Variants in DMD observed in about 807,000 individuals in gnomAD.
DMD encodes mutant dystrophin.
In DMD, 63 loss-of-function variants were observed where a neutral mutation model predicts 330.1. That is an observed-to-expected ratio of 0.19 (90% CI 0.16 to 0.24). The LOEUF (loss-of-function observed/expected upper bound fraction) is 0.24. Ranked by LOEUF, DMD falls within the 10% of genes least tolerant of loss-of-function variation. The pLI is 1.00. For synonymous variants in DMD, 1,223 were observed against 959.8 expected (o/e 1.27, Z -5.07); for missense variants, 3,344 against 2,684.1 (o/e 1.25, Z -5.43).
chrX:32,613,032 T>C (rs1232403403), intron 12 of DMD, among the ~76,000 whole-genome samples: 1 of 111,684 alleles, frequency 9.0e-6, no homozygotes, highest in African/African-American at 3.2e-5. Flanking sequence ...AAGGCAGATT[T>C]CGAAGGTATG....
At chrX:31,369,145 T>C (rs1402530173) in intron 60 of DMD, among the ~76,000 whole-genome samples, 3 of 112,571 alleles carry the variant, frequency 2.7e-5, no homozygotes, top group Non-Finnish European at 5.6e-5. Flanking sequence ...TAAATGTTCA[T>C]GGAAATTCAG....
chrX:33,113,129 C>T (rs2095353940), intron 1 of DMD, among the ~76,000 whole-genome samples: 1 of 103,679 alleles, frequency 9.6e-6, no homozygotes, highest in South Asian at 4.7e-4. Context: ...TCTCGGCTCA[C>T]TGCGACCTCT....
intron 44 of DMD, among the ~76,000 whole-genome samples, chrX:32,014,797 G>T (rs1487774271): frequency 8.9e-6 from 1 of 111,986 alleles, no homozygotes; most frequent in African/African-American, 3.3e-5. Context: ...TTGGGTCAGA[G>T]ATTAAAGATT....
chrX:31,305,623 C>T (rs1265677238), intron 62 of DMD, among the ~76,000 whole-genome samples: 2 of 112,086 alleles, frequency 1.8e-5, no homozygotes, highest in Admixed American at 1.9e-4. Context: ...CATATTTCCT[C>T]ACCCCTAACT....
chrX:32,403,901 T>C (rs934063310), intron 30 of DMD, among the ~76,000 whole-genome samples: 46 of 112,202 alleles, frequency 4.1e-4, no homozygotes, highest in Middle Eastern at 4.6e-3. Flanking sequence ...AGGTTTCTGC[T>C]GTCTAACTCA....
intron 34 of DMD, among the ~76,000 whole-genome samples, chrX:32,376,033 A>G (rs764999007): frequency 7.4e-4 from 82 of 111,556 alleles, no homozygotes; most frequent in Admixed American, 4.2e-3. Context: ...TAATCCCAGC[A>G]CTTTGGGAGG....
At chrX:31,213,379 A>T (rs1157427508) in intron 64 of DMD, among the ~76,000 whole-genome samples, 4 of 112,506 alleles carry the variant, frequency 3.6e-5, no homozygotes, top group Non-Finnish European at 3.7e-5. Flanking sequence ...AGTCAGACCA[A>T]CGGAAGCCAC....
At chrX:32,819,468 T>C (rs1233343247) in intron 5 of DMD, among the ~76,000 whole-genome samples, 3 of 111,225 alleles carry the variant, frequency 2.7e-5, no homozygotes, top group Non-Finnish European at 5.7e-5. Context: ...AAAAAAAGAA[T>C]TGCACTTAAG....
At chrX:31,687,907 C>T (rs2082797449) in intron 52 of DMD, among the ~76,000 whole-genome samples, 1 of 111,238 alleles carries the variant, frequency 9.0e-6, no homozygotes, top group Non-Finnish European at 1.9e-5. Context: ...CTTTGTCGTA[C>T]TTGAATGTTG....
chrX:31,371,058 C>A (rs1343545074), intron 60 of DMD, among the ~76,000 whole-genome samples: 2 of 110,177 alleles, frequency 1.8e-5, no homozygotes, highest in African/African-American at 6.6e-5. Flanking sequence ...CTATAAAAGG[C>A]CAATAGGAGG....
At chrX:32,623,819 A>T (rs1012972370) in intron 11 of DMD, among the ~76,000 whole-genome samples, 5 of 111,750 alleles carry the variant, frequency 4.5e-5, no homozygotes, top group Non-Finnish European at 5.6e-5. Context: ...GAGCCACCGC[A>T]CCTAGCTACT....
At chrX:32,883,704 G>T (rs1375505861) in intron 2 of DMD, among the ~76,000 whole-genome samples, 1 of 106,366 alleles carries the variant, frequency 9.4e-6, no homozygotes, top group Admixed American at 1.0e-4. Context: ...GGCACCTGTA[G>T]TCCCAGCTAC....
At chrX:31,378,497 C>T (rs983202961) in intron 60 of DMD, among the ~76,000 whole-genome samples, 3 of 111,423 alleles carry the variant, frequency 2.7e-5, no homozygotes, top group Non-Finnish European at 3.8e-5. Context: ...GCACCGGTCA[C>T]GGACTCGGAA....
intron 2 of DMD, among the ~76,000 whole-genome samples, chrX:32,850,304 T>C (rs912593552): frequency 8.9e-6 from 1 of 112,019 alleles, no homozygotes; most frequent in Non-Finnish European, 1.9e-5. Context: ...CTATGACCTA[T>C]TCTCATACTG....
chrX:31,941,733 C>T (rs2095005581), intron 45 of DMD, among the ~76,000 whole-genome samples: 1 of 111,164 alleles, frequency 9.0e-6, no homozygotes, highest in Middle Eastern at 4.2e-3. Flanking sequence ...TCCCCAATGT[C>T]TATTGTTTTC....
At chrX:31,709,177 C>T (rs2084418622) in intron 52 of DMD, among the ~76,000 whole-genome samples, 1 of 111,385 alleles carries the variant, frequency 9.0e-6, no homozygotes, top group African/African-American at 3.3e-5. Flanking sequence ...GAGGCTGAGG[C>T]AGGAGAATCA....
rs373495745 is a variant in DMD, at chrX:32,468,526, T to A, written c.3134A>T (p.Glu1045Val). The change falls in exon 23 of 79, where the codon GAG becomes GTG. Residue 1045 changes from glutamate (E) to valine (V), a missense_variant. By Grantham distance (121) the Glu-to-Val change is moderately radical. Transcript: ENST00000357033. ...AATTTTTCGGAGTTTATTCATTTGC[T>A]CCTCTAGCTTTTGACAATGCTCAAC... Reference protein sequence around the residue: ...QLVEHCQKLEEQMNKLRKIQN... With the variant: ...QLVEHCQKLEVQMNKLRKIQN... 8.3e-7 allele frequency: 1 copy of A among 1,207,251 alleles called. No homozygotes were observed. The highest frequency in any genetic ancestry group is 1.8e-5 in the African/African-American group (1 of 57,069).
At chrX:32,287,776 T>C (rs1314300110) in intron 42 of DMD, 75 bp from the exon 43 acceptor site, 6 of 694,106 alleles carry the variant, frequency 8.6e-6, no homozygotes, top group Non-Finnish European at 1.0e-5. Context: ...TATATATATA[T>C]ACAAATCCCA....
chrX:32,465,579 T>G (rs1318963517), intron 23 of DMD, among the ~76,000 whole-genome samples: 2 of 35,458 alleles, frequency 5.6e-5, no homozygotes, highest in Non-Finnish European at 1.1e-4. Flanking sequence ...TTGTTTGTTT[T>G]TTGTTTTTTT....
Sources: allele counts gnomAD v4.1 joint callset (sites outside exome capture counted in the v4.1 genomes callset), GRCh38; gene constraint gnomAD v4.1.1; transcripts MANE v1.5; gene names NCBI Gene and HGNC (gene_info 2026-07-23, HGNC 2026-07-21).